ANO4: variants seen among roughly 807,000 people sequenced by gnomAD.
ANO4 encodes the protein anoctamin-4.
ANO4 carries 69 observed loss-of-function variants against 141.9 expected under a neutral mutation model. That is an observed-to-expected ratio of 0.49 (90% confidence interval 0.40 to 0.59). The LOEUF is 0.59. ANO4 is among the 20% of genes least tolerant of loss of function. ANO4 has a pLI of 0.00. For synonymous variants in ANO4, 350 were observed against 394.3 expected, an observed-to-expected ratio of 0.89 and a Z score of 1.33; for missense variants, 894 against 1,162.2, an observed-to-expected ratio of 0.77 and a Z score of 3.36.
chr12:101,078,782 A>G (rs895125575), intron 14 of ANO4, among the ~76,000 whole-genome samples: 3 of 152,188 alleles, frequency 2.0e-5, no homozygotes, highest in African/African-American at 7.2e-5. Flanking sequence ...CCTGCCTCTC[A>G]CTTTAAAAAA....
At chr12:100,889,293 A>G (rs1447149372) in intron 1 of ANO4, among the ~76,000 whole-genome samples, 1 of 152,046 alleles carries the variant, frequency 6.6e-6, no homozygotes, top group African/African-American at 2.4e-5. Flanking sequence ...TCGGACATTT[A>G]GGTTGGTTCC....
intron 8 of ANO4, among the ~76,000 whole-genome samples, chr12:101,018,355 T>C (rs2046393159): frequency 6.6e-6 from 1 of 152,210 alleles, no homozygotes; most frequent in South Asian, 2.1e-4. Context: ...TTATCGCTCA[T>C]CCACCAACTC....
intron 2 of ANO4, among the ~76,000 whole-genome samples, chr12:100,903,071 A>G (rs958691972): frequency 5.9e-5 from 9 of 152,172 alleles, no homozygotes; most frequent in African/African-American, 2.2e-4. Flanking sequence ...ACTTCTGAAA[A>G]TAATAATTTA....
chr12:100,881,786 A>G (rs1362602358), intron 1 of ANO4, among the ~76,000 whole-genome samples: 1 of 152,232 alleles, frequency 6.6e-6, no homozygotes, highest in East Asian at 1.9e-4. Flanking sequence ...AGCAGTTGTC[A>G]TGGAAACTGT....
chr12:100,725,855 AGTTCT>A (rs900086159), intron 1 of ANO4, among the ~76,000 whole-genome samples: 5 of 152,246 alleles, frequency 3.3e-5, no homozygotes, highest in African/African-American at 9.6e-5. Flanking sequence ...TCAGGATATC[AGTTCT>A]GGTTCTCCCA....
At chr12:100,739,113 C>A (rs2031750671) in intron 2 of ANO4, among the ~76,000 whole-genome samples, 2 of 146,392 alleles carry the variant, frequency 1.4e-5, no homozygotes, top group South Asian at 2.1e-4. Flanking sequence ...TATATAAAAT[C>A]TTTATAATTT....
intron 1 of ANO4, among the ~76,000 whole-genome samples, chr12:100,801,178 T>C (rs935129339): frequency 2.6e-5 from 4 of 152,156 alleles, no homozygotes; most frequent in African/African-American, 9.7e-5. Context: ...GTACCTCAAA[T>C]CTTGGTTTAG....
At chr12:101,098,049 T>C (rs1371709028) in intron 21 of ANO4, 104 bp downstream of exon 21, 3 of 961,108 alleles carry the variant, frequency 3.1e-6, no homozygotes, top group Non-Finnish European at 4.8e-6. Context: ...GTTAAGCCAG[T>C]GCGTGCACCT....
At chr12:100,980,234 CA>C (rs1257421909) in intron 7 of ANO4, among the ~76,000 whole-genome samples, 1 of 152,166 alleles carries the variant, frequency 6.6e-6, no homozygotes, top group Non-Finnish European at 1.5e-5. Flanking sequence ...AATGGCCTCT[CA>C]AAATAGGCTT....
chr12:100,989,774 GAT>G (rs1360486702), intron 8 of ANO4, among the ~76,000 whole-genome samples: 10 of 151,486 alleles, frequency 6.6e-5, no homozygotes, highest in African/African-American at 2.4e-4. Context: ...TGGATGGATG[GAT>G]GGATGGATGG....
intron 1 of ANO4, among the ~76,000 whole-genome samples, chr12:100,835,085 C>G (rs1442155260): frequency 1.3e-5 from 2 of 152,014 alleles, no homozygotes; most frequent in African/African-American, 4.8e-5. Flanking sequence ...AGAGGAGGCA[C>G]AGATGTGAAA....
chr12:100,869,811 A>G lies in ANO4; in HGVS notation c.-140-31835A>G, dbSNP rs919519733. On this transcript the variant is annotated intron_variant, in intron 1 of 27. Coordinates refer to ENST00000392977, the MANE Select transcript of ANO4 (RefSeq NM_001286615.2). ...GTGAGAAGAAGCCAAGAGACTCAAC[A>G]GTCTTTATAGTCACTGCTGTAACCA... Among the ~76,000 whole-genome samples, 4 of 152,198 alleles carry G rather than the reference A, an allele frequency of 2.6e-5. No homozygotes were observed. In the South Asian group the frequency reaches 6.2e-4, roughly 24 times the overall value.
chr12:100,854,242 C>T (rs1251350689), intron 1 of ANO4, among the ~76,000 whole-genome samples: 2 of 152,114 alleles, frequency 1.3e-5, no homozygotes, highest in Non-Finnish European at 2.9e-5. Flanking sequence ...TTTCTGTCAT[C>T]TTCTGTAGCT....
At chr12:100,963,102 A>G (rs2043495222) in intron 5 of ANO4, among the ~76,000 whole-genome samples, 1 of 152,218 alleles carries the variant, frequency 6.6e-6, no homozygotes, top group African/African-American at 2.4e-5. Context: ...AAGCAGATCC[A>G]TTATAGACAT....
At chr12:100,805,551 A>G (rs2034961810) in intron 1 of ANO4, among the ~76,000 whole-genome samples, 4 of 152,166 alleles carry the variant, frequency 2.6e-5, no homozygotes. Flanking sequence ...CAGTATTGCC[A>G]TTTTCATGAT....
intron 8 of ANO4, among the ~76,000 whole-genome samples, chr12:101,007,252 C>T (rs1452817971): frequency 6.6e-6 from 1 of 152,180 alleles, no homozygotes; most frequent in Non-Finnish European, 1.5e-5. Flanking sequence ...ACTTGGGAGA[C>T]TGAAGCAGAA....
chr12:100,856,524 A>G (rs1688688611), intron 1 of ANO4, among the ~76,000 whole-genome samples: 1 of 152,164 alleles, frequency 6.6e-6, no homozygotes, highest in African/African-American at 2.4e-5. Flanking sequence ...ATATTTGTAA[A>G]ATGGCAGGAT....
intron 3 of ANO4, among the ~76,000 whole-genome samples, chr12:100,938,963 A>G (rs2042395967): frequency 6.6e-6 from 1 of 152,182 alleles, no homozygotes; most frequent in Non-Finnish European, 1.5e-5. Context: ...GGTCATCTCC[A>G]ACCCTTTTCC....
intron 22 of ANO4, among the ~76,000 whole-genome samples, 158 bp from the exon 23 acceptor site, chr12:101,110,246 T>A (rs2050611323): frequency 6.6e-6 from 1 of 152,192 alleles, no homozygotes; most frequent in Admixed American, 6.5e-5. Context: ...GTGCCTCTTT[T>A]TCCAGTCTCC....
Sources: allele counts gnomAD v4.1 joint callset (sites outside exome capture counted in the v4.1 genomes callset), GRCh38; gene constraint gnomAD v4.1.1; transcripts MANE v1.5; gene names NCBI Gene and HGNC (gene_info 2026-07-23, HGNC 2026-07-21).